Variants in MOB3B observed in about 807,000 individuals in gnomAD.
MOB3B encodes MOB kinase activator 3B, also known as MOB kinase activator-like 2B.
MOB3B carries 7 observed loss-of-function variants against 18.7 expected under a neutral mutation model. The observed-to-expected ratio is 0.37, with a 90% CI of 0.21 to 0.70. The LOEUF (loss-of-function observed/expected upper bound fraction) is 0.70, where lower values mean the gene tolerates loss of function less well. Ranked by LOEUF, MOB3B falls within the 30% of genes least tolerant of loss-of-function variation. The pLI, the probability that MOB3B is intolerant of heterozygous loss-of-function variation, is 0.52. For missense variants in MOB3B, 253 were observed against 281.3 expected (o/e 0.90, Z 0.72); for synonymous variants, 111 against 99.9 (o/e 1.11, Z -0.66).
chr9:27,472,314 G>C (rs186022860), intron 1 of MOB3B, among the ~76,000 whole-genome samples: 566 of 151,218 alleles, frequency 3.7e-3, no homozygotes, highest in African/African-American at 0.012. Flanking sequence ...AGTCTCCAAA[G>C]GCCTCAGGAA....
chr9:27,481,511 G>GTTTTTTTTTTTTTTTTTTTTTT (rs536716885), intron 1 of MOB3B, among the ~76,000 whole-genome samples: 1 of 69,650 alleles, frequency 1.4e-5, no homozygotes, highest in Non-Finnish European at 3.8e-5. Flanking sequence ...TTTTTTTTTT[G>GTTTTTTTTTTTTTTTTTTTTTT]TTTTTTTTGT....
chr9:27,510,778 T>C (rs1820130357), intron 1 of MOB3B, among the ~76,000 whole-genome samples: 1 of 152,202 alleles, frequency 6.6e-6, no homozygotes, highest in Admixed American at 6.5e-5. Context: ...AATCACATGA[T>C]GCTCTGGTGC....
At chr9:27,332,774 C>T (rs1571648) in intron 3 of MOB3B, among the ~76,000 whole-genome samples, 1 of 152,072 alleles carries the variant, frequency 6.6e-6, no homozygotes, top group Admixed American at 6.6e-5. Flanking sequence ...GAGGAAAAAC[C>T]CTCAGGGAAG....
intron 2 of MOB3B, among the ~76,000 whole-genome samples, chr9:27,422,828 A>G (rs1177272387): frequency 6.6e-6 from 1 of 152,266 alleles, no homozygotes; most frequent in Admixed American, 6.5e-5. Context: ...AAATGTACAC[A>G]TAAACATTTA....
intron 2 of MOB3B, among the ~76,000 whole-genome samples, chr9:27,424,742 G>T (rs1294673492): frequency 6.6e-6 from 1 of 152,106 alleles, no homozygotes; most frequent in African/African-American, 2.4e-5. Flanking sequence ...TACCAGACTG[G>T]AAAGCCAATC....
At chr9:27,332,203 G>C (rs1009435715) in intron 3 of MOB3B, among the ~76,000 whole-genome samples, 11 of 152,114 alleles carry the variant, frequency 7.2e-5, no homozygotes, top group Admixed American at 4.6e-4. Flanking sequence ...ATGTTGCCCT[G>C]GTTGGTCTCA....
At chr9:27,498,986 T>C (rs1819945645) in intron 1 of MOB3B, among the ~76,000 whole-genome samples, 1 of 152,186 alleles carries the variant, frequency 6.6e-6, no homozygotes, top group African/African-American at 2.4e-5. Flanking sequence ...TTTAAGCACA[T>C]TTTAAAGTGC....
intron 1 of MOB3B, among the ~76,000 whole-genome samples, chr9:27,458,036 T>A (rs765110904): frequency 2.0e-5 from 3 of 152,112 alleles, no homozygotes; most frequent in Non-Finnish European, 4.4e-5. Context: ...ACTTGTTTTT[T>A]AAAAAAACAG....
intron 2 of MOB3B, among the ~76,000 whole-genome samples, chr9:27,424,534 C>T (rs998913950): frequency 6.6e-6 from 1 of 152,148 alleles, no homozygotes; most frequent in African/African-American, 2.4e-5. Context: ...GGAAGATAAA[C>T]TCTGAGTGAT....
At chr9:27,381,814 AT>A (rs1029283978) in intron 2 of MOB3B, among the ~76,000 whole-genome samples, 3 of 152,152 alleles carry the variant, frequency 2.0e-5, no homozygotes, top group South Asian at 4.2e-4. Flanking sequence ...ATCCAGCTAA[AT>A]TTTTATTTTA....
chr9:27,430,482 C>G (rs1342156289), intron 2 of MOB3B, among the ~76,000 whole-genome samples: 1 of 152,122 alleles, frequency 6.6e-6, no homozygotes, highest in Non-Finnish European at 1.5e-5. Flanking sequence ...GGACTCTGAG[C>G]CTTTCACCCA....
chr9:27,449,398 C>T (rs1409761780), intron 2 of MOB3B, among the ~76,000 whole-genome samples: 1 of 152,160 alleles, frequency 6.6e-6, no homozygotes, highest in Non-Finnish European at 1.5e-5. Flanking sequence ...ATGTCTCAGG[C>T]TCTGGGATGG....
intron 3 of MOB3B, among the ~76,000 whole-genome samples, chr9:27,339,044 G>T (rs1256853413): frequency 6.6e-6 from 1 of 152,124 alleles, no homozygotes; most frequent in Non-Finnish European, 1.5e-5. Flanking sequence ...AGGGAGTGCT[G>T]CAAGTTAGGG....
chr9:27,481,611 C>T lies in MOB3B; in HGVS notation c.-198-25863G>A, dbSNP rs964960989. On this transcript the variant is annotated intron_variant, in intron 1 of 3. Coordinates refer to ENST00000262244, the MANE Select transcript of MOB3B (RefSeq NM_024761.5). ...CGTGATCTCGGCTCACTGCAAGCTC[C>T]GCCTCCCAGGTTTATGCCACTCTCC... Among the ~76,000 whole-genome samples the T allele has an allele frequency of 7.9e-4, 119 of 150,094 alleles. 1 individual carries two copies. The highest frequency in any genetic ancestry group is 2.6e-3 in the African/African-American group (107 of 40,638).
chr9:27,476,400 C>CTCAG lies in MOB3B; in HGVS notation c.-198-20656_-198-20653dup, dbSNP rs147747038. Among the ~76,000 whole-genome samples, 755 of 152,282 alleles carry CTCAG rather than the reference C, an allele frequency of 5.0e-3. 5 individuals carry two copies. The highest frequency in any genetic ancestry group is 0.017 in the African/African-American group (716 of 41,546). ...TCTTCAGTGTTCCTTGGCTTGTAGA[C>CTCAG]TCAGCACCTCAATCTCTACCTTCAT... On this transcript the variant is annotated intron_variant, in intron 1 of 3. Coordinates refer to ENST00000262244, the MANE Select transcript of MOB3B (RefSeq NM_024761.5).
chr9:27,519,279 GCTCT>G (rs1280340468), intron 1 of MOB3B, among the ~76,000 whole-genome samples: 1 of 152,096 alleles, frequency 6.6e-6, no homozygotes, highest in East Asian at 1.9e-4. Context: ...TGATAGCCTG[GCTCT>G]CTCACAGGCG....
At chr9:27,409,563 C>T (rs368199414) in intron 2 of MOB3B, among the ~76,000 whole-genome samples, 5 of 152,010 alleles carry the variant, frequency 3.3e-5, no homozygotes, top group South Asian at 2.1e-4. Context: ...TCATATGCTC[C>T]GGCAATTCCA....
At chr9:27,455,999 T>G (rs549261622) in intron 1 of MOB3B, among the ~76,000 whole-genome samples, 19 of 152,318 alleles carry the variant, frequency 1.2e-4, no homozygotes, top group African/African-American at 4.6e-4. Context: ...CTCTTCTTTG[T>G]GTGATCATAG....
At chr9:27,368,819 C>T (rs1412827071) in intron 2 of MOB3B, among the ~76,000 whole-genome samples, 4 of 152,134 alleles carry the variant, frequency 2.6e-5, no homozygotes, top group Admixed American at 6.6e-5. Context: ...TTCAGCCACC[C>T]CAAGGAGCAA....
Sources: allele counts gnomAD v4.1 joint callset (sites outside exome capture counted in the v4.1 genomes callset), GRCh38; gene constraint gnomAD v4.1.1; transcripts MANE v1.5; gene names NCBI Gene and HGNC (gene_info 2026-07-23, HGNC 2026-07-21).